CDK6: variants seen among roughly 807,000 people sequenced by gnomAD.
CDK6 encodes the protein cyclin-dependent kinase 6.
A neutral mutation model predicts 37.1 loss-of-function variants in CDK6; 6 were observed. The ratio of observed to expected loss-of-function variants is 0.16; its 90% CI spans 0.09 to 0.32. The LOEUF is 0.32. Among genes scored for constraint, CDK6 ranks in the 10% least tolerant of loss-of-function variants. CDK6 has a pLI of 1.00. For synonymous variants in CDK6, 160 were observed against 161.3 expected (o/e 0.99, Z 0.06); for missense variants, 224 against 418.9 (o/e 0.53, Z 4.06).
At chr7:92,675,637 A>C (rs2116613080) in intron 4 of CDK6, among the ~76,000 whole-genome samples, 1 of 152,278 alleles carries the variant, frequency 6.6e-6, no homozygotes, top group African/African-American at 2.4e-5. Flanking sequence ...TCTTTATTAT[A>C]TTCTGGAATA....
At chr7:92,722,338 G>T (rs1250947569) in intron 4 of CDK6, among the ~76,000 whole-genome samples, 2 of 152,104 alleles carry the variant, frequency 1.3e-5, no homozygotes, top group East Asian at 3.9e-4. Context: ...TTACAATAAT[G>T]CTACATTCCT....
At position 92,709,731 on chromosome 7, in the gene CDK6, CCTCA is replaced by C. The variant is rs534068951; in HGVS notation, c.537+15891_537+15894del. 2.2e-4 allele frequency among the ~76,000 whole-genome samples: 33 copies of C among 151,952 alleles called. 1 individual carries two copies. In the South Asian group the frequency reaches 6.9e-3, roughly 32 times the overall value. The stretch of plus-strand genomic sequence containing the variant: ...TAGTTTAACATAATTTTTCTTATTG[CCTCA>C]CTGTTTTTAAAAGCAATCCTTAGCT... On this transcript the variant is annotated intron_variant, in intron 4 of 7. Coordinates refer to ENST00000424848, the MANE Select transcript of CDK6 (RefSeq NM_001145306.2).
At chr7:92,635,351 G>C (rs1486917099) in intron 5 of CDK6, among the ~76,000 whole-genome samples, 1 of 152,144 alleles carries the variant, frequency 6.6e-6, no homozygotes, top group African/African-American at 2.4e-5. Context: ...GTATAGACCA[G>C]GAGACAGAAG....
intron 3 of CDK6, among the ~76,000 whole-genome samples, chr7:92,735,196 C>T (rs1798756159): frequency 6.6e-6 from 1 of 152,224 alleles, no homozygotes; most frequent in African/African-American, 2.4e-5. Context: ...AGCCACTAGT[C>T]AGTTGATTAA....
chr7:92,718,942 C>T (rs532009602), intron 4 of CDK6, among the ~76,000 whole-genome samples: 1 of 152,310 alleles, frequency 6.6e-6, no homozygotes, highest in Admixed American at 6.5e-5. Context: ...AGCGTCTGCA[C>T]ATAGAAAGTG....
intron 5 of CDK6, among the ~76,000 whole-genome samples, chr7:92,630,561 G>A (rs1485420498): frequency 1.3e-5 from 2 of 152,138 alleles, no homozygotes; most frequent in East Asian, 3.8e-4. Flanking sequence ...TAATTCACAA[G>A]GGTGAAGACT....
rs1464208693 is a variant in CDK6 at position 92,833,400 on chromosome 7, G to C, written c.-77C>G. ...CTCAACTAGCTGGCGGCCGCCGCTCGCCTACTCCGGGGCTCCCCGGAGATC... is the reference window on the plus strand; with the variant it reads ...CTCAACTAGCTGGCGGCCGCCGCTCCCCTACTCCGGGGCTCCCCGGAGATC... On this transcript the variant is annotated 5_prime_UTR_variant, in exon 2 of 8. Transcript: ENST00000424848. The surrounding 1 kb of genome is among the most constrained non-coding windows in gnomAD (Gnocchi z 6.1). 9.8e-7 allele frequency: 1 copy of C among 1,018,796 alleles called. No individual in the cohort carries two copies. The highest frequency in any genetic ancestry group is 1.4e-6 in the Non-Finnish European group (1 of 714,220). The allele number at this position is 1,018,796 out of a possible 1,614,324, so 63.1% of individuals were successfully genotyped here. A position where few individuals can be genotyped will look rare whatever the true frequency, so the allele number is the denominator to read the frequency against.
Position 92,607,571 on chromosome 7 carries a change from G to A in CDK6, c.*7569C>T, listed in dbSNP as rs768197386. The A allele has an allele frequency of 4.3e-6, 1 of 231,948 alleles. No homozygotes were observed. The highest frequency in any genetic ancestry group is 1.3e-3 in the Middle Eastern group (1 of 778). The allele number at this position is 231,948 out of a possible 1,614,324, so 14.4% of individuals were successfully genotyped here. ...CTTAGTCTAATTTTTATTTTCTTAGGTCCATCAATACCATGATAATGAACA... is the reference window on the plus strand; with the variant it reads ...CTTAGTCTAATTTTTATTTTCTTAGATCCATCAATACCATGATAATGAACA... On this transcript the variant is annotated 3_prime_UTR_variant, in exon 8 of 8. Transcript: ENST00000424848.
intron 7 of CDK6, 30 bp downstream of exon 7, chr7:92,618,042 G>T: frequency 1.2e-6 from 2 of 1,610,726 alleles, no homozygotes; most frequent in Non-Finnish European, 1.7e-6. Context: ...CTGGCACAGT[G>T]CAGACGAGCT....
chr7:92,721,511 T>C (rs2116701140), intron 4 of CDK6, among the ~76,000 whole-genome samples: 1 of 152,318 alleles, frequency 6.6e-6, no homozygotes, highest in Middle Eastern at 3.4e-3. Context: ...ATCTTAATTC[T>C]ACAACCTTTA....
At chr7:92,791,349 T>A (rs1800278128) in intron 2 of CDK6, among the ~76,000 whole-genome samples, 1 of 152,168 alleles carries the variant, frequency 6.6e-6, no homozygotes, top group Non-Finnish European at 1.5e-5. Context: ...ACTAAAGACA[T>A]TAATATACTC....
At chr7:92,670,494 C>T (rs937031458) in intron 5 of CDK6, among the ~76,000 whole-genome samples, 13 of 152,050 alleles carry the variant, frequency 8.5e-5, no homozygotes, top group Non-Finnish European at 1.0e-4. Context: ...TACCTTTTCC[C>T]ATGGAAATAA....
At chr7:92,792,722 G>C (rs1477624107) in intron 2 of CDK6, among the ~76,000 whole-genome samples, 3 of 151,974 alleles carry the variant, frequency 2.0e-5, no homozygotes, top group Non-Finnish European at 4.4e-5. Flanking sequence ...ATGAAAATAA[G>C]ATGAGTGAAG....
At chr7:92,648,716 A>G (rs1465654679) in intron 5 of CDK6, among the ~76,000 whole-genome samples, 1 of 152,218 alleles carries the variant, frequency 6.6e-6, no homozygotes, top group East Asian at 1.9e-4. Context: ...GACCATCTAT[A>G]AGATGATCTC....
At chr7:92,736,066 G>GT (rs1266226726) in intron 3 of CDK6, among the ~76,000 whole-genome samples, 1 of 152,122 alleles carries the variant, frequency 6.6e-6, no homozygotes. Context: ...GTACTTGCAA[G>GT]TTAGATAATC....
chr7:92,632,330 C>T (rs1796072093), intron 5 of CDK6, among the ~76,000 whole-genome samples: 1 of 152,136 alleles, frequency 6.6e-6, no homozygotes, highest in South Asian at 2.1e-4. Context: ...AAAAAAGAAG[C>T]TTTGCTCAAA....
intron 5 of CDK6, among the ~76,000 whole-genome samples, chr7:92,636,873 C>T (rs1176853812): frequency 1.8e-4 from 28 of 152,084 alleles, no homozygotes; most frequent in Non-Finnish European, 1.5e-5. Flanking sequence ...CCATGTTAGC[C>T]AGGCTGGTCT....
chr7:92,636,694 T>C (rs146067330), intron 5 of CDK6, among the ~76,000 whole-genome samples: 361 of 152,274 alleles, frequency 2.4e-3, no homozygotes, highest in African/African-American at 8.4e-3. Flanking sequence ...CTTCTTCCCC[T>C]GAGACGGAGT....
intron 7 of CDK6, among the ~76,000 whole-genome samples, chr7:92,617,794 G>C (rs1201694771): frequency 6.6e-6 from 1 of 152,216 alleles, no homozygotes; most frequent in Non-Finnish European, 1.5e-5. Flanking sequence ...ATGTCAAAGT[G>C]AATCGAGAGG....
Sources: allele counts gnomAD v4.1 joint callset (sites outside exome capture counted in the v4.1 genomes callset), GRCh38; gene constraint gnomAD v4.1.1; non-coding constraint Gnocchi (gnomAD v3.1); transcripts MANE v1.5; gene names NCBI Gene and HGNC (gene_info 2026-07-23, HGNC 2026-07-21).